The following ALX1 variants were observed in gnomAD, a reference collection of about 807,000 sequenced individuals.
ALX1 encodes the protein ALX homeobox protein 1.
A neutral mutation model predicts 31.7 loss-of-function variants in ALX1; 19 were observed. That is an observed-to-expected ratio of 0.60 (90% CI 0.42 to 0.88). The LOEUF (loss-of-function observed/expected upper bound fraction) is 0.88, where lower values mean the gene tolerates loss of function less well. Ranked by LOEUF, ALX1 falls within the 40% of genes least tolerant of loss-of-function variation. ALX1 has a pLI of 0.00. For missense variants in ALX1, 415 were observed against 407.8 expected, an observed-to-expected ratio of 1.02 and a Z score of -0.15; for synonymous variants, 153 against 148.8, an observed-to-expected ratio of 1.03 and a Z score of -0.20.
intron 1 of ALX1, among the ~76,000 whole-genome samples, chr12:85,282,157 C>A (rs1434144676): frequency 6.6e-6 from 1 of 151,872 alleles, no homozygotes; most frequent in East Asian, 1.9e-4. Flanking sequence ...GGAGATAGAA[C>A]CGTTTGTTAA....
At chr12:85,293,973 C>T (rs1052232517) in intron 3 of ALX1, among the ~76,000 whole-genome samples, 3 of 150,892 alleles carry the variant, frequency 2.0e-5, no homozygotes, top group Non-Finnish European at 3.0e-5. Context: ...GGTAAACTTC[C>T]GTACAAACTC....
In ALX1 at chr12:85,301,692, A is replaced by T; in HGVS notation, c.*217A>T. On this transcript the variant is annotated 3_prime_UTR_variant, in exon 4 of 4. Transcript: ENST00000316824. ...GTTTACCATGTGCCAGTCTCCACAA[A>T]CCCTGTTTTAGTAGTAAGGTTTTCT... The T allele has an allele frequency of 3.4e-6, 2 of 594,598 alleles. No individual in the cohort carries two copies. Among genetic ancestry groups the T allele is most frequent in the South Asian group, 4.4e-5 (2 of 45,938 alleles). 36.8% of individuals were successfully genotyped at this position (594,598 alleles called of 1,614,324 possible). A position where few individuals can be genotyped will look rare whatever the true frequency, so the allele number is the denominator to read the frequency against.
At chr12:85,298,334 T>C (rs1896917036) in intron 3 of ALX1, among the ~76,000 whole-genome samples, 1 of 151,834 alleles carries the variant, frequency 6.6e-6, no homozygotes, top group Non-Finnish European at 1.5e-5. Context: ...GTGTTCATAA[T>C]ATATTTAACA....
chr12:85,287,625 T>C (rs1896766110), intron 3 of ALX1, among the ~76,000 whole-genome samples: 1 of 151,532 alleles, frequency 6.6e-6, no homozygotes, highest in African/African-American at 2.4e-5. Flanking sequence ...CAAAAAGTGT[T>C]AGAAATTCTT....
rs142324538 is a variant in ALX1 at position 85,280,243 on chromosome 12, G to C, written c.-19G>C. 1 of 1,580,784 alleles carries C rather than the reference G, an allele frequency of 6.3e-7. No homozygotes were observed. The highest frequency in any genetic ancestry group is 1.1e-5 in the South Asian group (1 of 90,726). On this transcript the variant is annotated 5_prime_UTR_variant, in exon 1 of 4. Transcript: ENST00000316824. Reference sequence around the variant, plus strand: ...CCAGTTTCTGTGCCCCAGGAGCTACGCGACAGTCTTCCAGGATTATGGAGT... The same window carrying C: ...CCAGTTTCTGTGCCCCAGGAGCTACCCGACAGTCTTCCAGGATTATGGAGT...
At chr12:85,301,032 C>A in intron 3 of ALX1, 123 bp from the exon 4 acceptor site, 1 of 995,446 alleles carries the variant, frequency 1.0e-6, no homozygotes, top group Non-Finnish European at 1.5e-6. Flanking sequence ...TATGTAATTA[C>A]AGACCACCCA....
intron 3 of ALX1, among the ~76,000 whole-genome samples, chr12:85,287,754 A>T (rs542491875): frequency 6.6e-6 from 1 of 151,526 alleles, no homozygotes; most frequent in African/African-American, 2.4e-5. Context: ...ATACTTAATA[A>T]TGATATTCAG....
rs1219459329 is a variant in ALX1 at position 85,280,520 on chromosome 12, C to G, written c.226+33C>G. The G allele has an allele frequency of 3.1e-6, 5 of 1,602,196 alleles. No homozygotes were observed. The South Asian group carries it at 5.5e-5, about 18-fold the overall frequency. On this transcript the variant is annotated intron_variant, in intron 1 of 3. Coordinates refer to ENST00000316824, the MANE Select transcript of ALX1 (RefSeq NM_006982.3). ...GCTAGCGCCCCAGCCGGAGCCGCCGCAGCCCTTCCGCAATCGAAAATGCAG... is the reference window on the plus strand; with the variant it reads ...GCTAGCGCCCCAGCCGGAGCCGCCGGAGCCCTTCCGCAATCGAAAATGCAG...
At position 85,286,993 on chromosome 12, in the gene ALX1, T is replaced by C; in HGVS notation, c.660+12T>C. ...ACAGCTACCCACAGGTATGCTAAAC[T>C]ACACAGAATACTGATCAAGAAAAGG... is the stretch of plus-strand genomic sequence containing the variant. On this transcript the variant is annotated intron_variant, in intron 3 of 3. Transcript: ENST00000316824. 6.2e-7 allele frequency: 1 copy of C among 1,611,404 alleles called. No individual in the cohort carries two copies. Among genetic ancestry groups the C allele is most frequent in the Non-Finnish European group, 8.5e-7 (1 of 1,177,984 alleles).
chr12:85,301,628 A>T lies in ALX1; in HGVS notation c.*153A>T. Reference sequence around the variant, plus strand: ...CTTAAATGAATAGTTGTTATTTAACATTAAAATCTAAGAATGAACCTCTGA... The same window carrying T: ...CTTAAATGAATAGTTGTTATTTAACTTTAAAATCTAAGAATGAACCTCTGA... On this transcript the variant is annotated 3_prime_UTR_variant, in exon 4 of 4. Coordinates refer to ENST00000316824, the MANE Select transcript of ALX1 (RefSeq NM_006982.3). 1.2e-6 allele frequency: 1 copy of T among 813,092 alleles called. No homozygotes were observed. Among genetic ancestry groups the T allele is most frequent in the South Asian group, 1.8e-5 (1 of 56,268 alleles). 50.4% of individuals were successfully genotyped at this position (813,092 alleles called of 1,614,324 possible).
chr12:85,301,165 ATT>A lies in ALX1; in HGVS notation c.673_674del (p.Leu225ValfsTer19). Reference sequence around the variant, plus strand: ...TTTTATATATTCCAGATTCAGAACAATTTGTGGGCAGGAAATGCAAGTGGTGG... The same window carrying A: ...TTTTATATATTCCAGATTCAGAACAATGTGGGCAGGAAATGCAAGTGGTGG... On this transcript the variant is annotated frameshift_variant, in exon 4 of 4. Coordinates refer to ENST00000316824, the MANE Select transcript of ALX1 (RefSeq NM_006982.3). LOFTEE classifies it high-confidence loss of function. 6.2e-7 allele frequency: 1 copy of A among 1,614,006 alleles called. No individual in the cohort carries two copies. The highest frequency in any genetic ancestry group is 8.5e-7 in the Non-Finnish European group (1 of 1,179,902).
intron 2 of ALX1, among the ~76,000 whole-genome samples, chr12:85,285,514 G>A (rs1468897547): frequency 6.6e-6 from 1 of 151,940 alleles, no homozygotes; most frequent in African/African-American, 2.4e-5. Flanking sequence ...TATCAGCAGT[G>A]TACTAAAACT....
intron 1 of ALX1, among the ~76,000 whole-genome samples, chr12:85,282,719 T>A (rs1896692830): frequency 6.6e-6 from 1 of 152,208 alleles, no homozygotes; most frequent in South Asian, 2.1e-4. Flanking sequence ...TGAAGAAAAT[T>A]ACTGAAATTA....
intron 3 of ALX1, among the ~76,000 whole-genome samples, chr12:85,289,648 A>T (rs1459098750): frequency 6.6e-6 from 1 of 151,322 alleles, no homozygotes; most frequent in Non-Finnish European, 1.5e-5. Flanking sequence ...AATACCATGA[A>T]GTCCATAGTA....
At chr12:85,282,425 A>G (rs1169288853) in intron 1 of ALX1, among the ~76,000 whole-genome samples, 2 of 152,132 alleles carry the variant, frequency 1.3e-5, no homozygotes, top group African/African-American at 4.8e-5. Context: ...ATTGAAATGC[A>G]CAGTACTCAA....
chr12:85,287,789 A>T (rs1896769057), intron 3 of ALX1, among the ~76,000 whole-genome samples: 1 of 151,522 alleles, frequency 6.6e-6, no homozygotes, highest in Non-Finnish European at 1.5e-5. Flanking sequence ...CATGATGAAA[A>T]AAAACCTACG....
At chr12:85,287,831 A>G (rs575623696) in intron 3 of ALX1, among the ~76,000 whole-genome samples, 2 of 151,606 alleles carry the variant, frequency 1.3e-5, no homozygotes, top group South Asian at 4.1e-4. Flanking sequence ...TTATTTTGTT[A>G]TTTATTATTT....
chr12:85,283,487 T>C, intron 1 of ALX1, 85 bp from the exon 2 acceptor site: 1 of 1,398,190 alleles, frequency 7.2e-7, no homozygotes, highest in African/African-American at 1.4e-5. Context: ...AATTTCTTGA[T>C]ACTCTCAATT....
At chr12:85,295,990 A>G (rs576886386) in intron 3 of ALX1, among the ~76,000 whole-genome samples, 1 of 151,710 alleles carries the variant, frequency 6.6e-6, no homozygotes, top group South Asian at 2.1e-4. Flanking sequence ...TGACTATAAA[A>G]TGCTATCATG....
Sources: allele counts gnomAD v4.1 joint callset (sites outside exome capture counted in the v4.1 genomes callset), GRCh38; gene constraint gnomAD v4.1.1; transcripts MANE v1.5; gene names NCBI Gene and HGNC (gene_info 2026-07-23, HGNC 2026-07-21).